Variants in HS3ST3B1 observed in about 807,000 individuals in gnomAD.
The protein encoded by HS3ST3B1 is heparan sulfate-glucosamine 3-sulfotransferase 3B1.
A neutral mutation model predicts 21.3 loss-of-function variants in HS3ST3B1; 13 were observed. That is an observed-to-expected ratio of 0.61 (90% CI 0.40 to 0.97). HS3ST3B1 has a LOEUF of 0.97. Among genes scored for constraint, HS3ST3B1 ranks in the 50% least tolerant of loss-of-function variants. The pLI, the probability that HS3ST3B1 is intolerant of heterozygous loss-of-function variation, is 0.00. For missense variants in HS3ST3B1, 459 were observed against 554.8 expected (o/e 0.83, Z 1.73); for synonymous variants, 234 against 254.8 (o/e 0.92, Z 0.78).
At chr17:14,324,880 C>A (rs1485842580) in intron 1 of HS3ST3B1, among the ~76,000 whole-genome samples, 1 of 152,158 alleles carries the variant, frequency 6.6e-6, no homozygotes, top group Non-Finnish European at 1.5e-5. Flanking sequence ...TTCCAAGGTG[C>A]CAGAATCATA....
intron 1 of HS3ST3B1, among the ~76,000 whole-genome samples, chr17:14,309,322 G>T (rs1909230255): frequency 6.6e-6 from 1 of 152,230 alleles, no homozygotes; most frequent in Admixed American, 6.5e-5. Flanking sequence ...TGGCAGCCGA[G>T]ACTGGGGCCG....
Position 14,301,132 on chromosome 17 carries a change from C to T in HS3ST3B1, c.-387C>T, listed in dbSNP as rs373908559. 4.9e-5 allele frequency: 10 copies of T among 203,618 alleles called. No individual in the cohort carries two copies. The East Asian group carries it at 1.0e-3, about 20-fold the overall frequency. The allele number at this position is 203,618 out of a possible 1,614,324, so 12.6% of individuals were successfully genotyped here. ...GGAAGTGCCGGGGCTGCTCGAGGCT[C>T]AGTTCTTAGGACTGCAAGGAGGCAG... On this transcript the variant is annotated 5_prime_UTR_variant, in exon 1 of 2. Transcript: ENST00000360954.
At position 14,349,297 on chromosome 17, in the gene HS3ST3B1, A is replaced by G. The variant is rs1910659857; in HGVS notation, c.*3651A>G. 1 of 152,244 alleles carries G rather than the reference A, an allele frequency of 6.6e-6. No homozygotes were observed. Among genetic ancestry groups the G allele is most frequent in the South Asian group, 2.1e-4 (1 of 4,834 alleles). The allele number at this position is 152,244 out of a possible 1,614,324, so 9.4% of individuals were successfully genotyped here. On this transcript the variant is annotated 3_prime_UTR_variant, in exon 2 of 2. Transcript: ENST00000360954. ...AAAATTAAATCAAGTATTTTGTCCTATGTATAACACAAATTAATTTTACAC... is the reference window on the plus strand; with the variant it reads ...AAAATTAAATCAAGTATTTTGTCCTGTGTATAACACAAATTAATTTTACAC...
intron 1 of HS3ST3B1, among the ~76,000 whole-genome samples, chr17:14,338,125 G>A (rs1311275632): frequency 6.6e-6 from 1 of 151,776 alleles, no homozygotes; most frequent in Non-Finnish European, 1.5e-5. Flanking sequence ...TGCCACAGAG[G>A]TGGCGTATAC....
chr17:14,316,344 G>C (rs996848719), intron 1 of HS3ST3B1, among the ~76,000 whole-genome samples: 2 of 152,228 alleles, frequency 1.3e-5, no homozygotes, highest in Non-Finnish European at 2.9e-5. Context: ...GGCCGAGGCC[G>C]GGGGAACAGA....
rs1416278141 is a variant in HS3ST3B1 at position 14,348,139 on chromosome 17, A to C, written c.*2493A>C. 1 of 152,192 alleles carries C rather than the reference A, an allele frequency of 6.6e-6. No homozygotes were observed. Among genetic ancestry groups the C allele is most frequent in the Non-Finnish European group, 1.5e-5 (1 of 68,042 alleles). The allele number at this position is 152,192 out of a possible 1,614,324, so 9.4% of individuals were successfully genotyped here. ...AGAGTTCAGAGAAGAGTATGCAACA[A>C]AGCCATAGGAAAACACACAGGAGCT... On this transcript the variant is annotated 3_prime_UTR_variant, in exon 2 of 2. Coordinates refer to ENST00000360954, the MANE Select transcript of HS3ST3B1 (RefSeq NM_006041.3).
chr17:14,342,656 T>C (rs956485075), intron 1 of HS3ST3B1, among the ~76,000 whole-genome samples: 1 of 152,176 alleles, frequency 6.6e-6, no homozygotes, highest in African/African-American at 2.4e-5. Flanking sequence ...TAAACTTCCA[T>C]GAATACGTAT....
intron 1 of HS3ST3B1, among the ~76,000 whole-genome samples, chr17:14,320,835 C>T (rs1909639515): frequency 6.6e-6 from 1 of 152,178 alleles, no homozygotes; most frequent in Admixed American, 6.5e-5. Flanking sequence ...CCGCTCAGTT[C>T]CAGCATTCAG....
At chr17:14,329,965 C>G (rs1909954737) in intron 1 of HS3ST3B1, among the ~76,000 whole-genome samples, 1 of 152,234 alleles carries the variant, frequency 6.6e-6, no homozygotes, top group Non-Finnish European at 1.5e-5. Flanking sequence ...CATCTACAAA[C>G]TACACTGGAT....
At position 14,330,162 on chromosome 17, in the gene HS3ST3B1, A is replaced by G. The variant is rs142061997; in HGVS notation, c.555-14866A>G. ...TACATTTGACATTGAGCATCATCTGATGACACCTCCTGGGGGTGGTCTGTA... is the reference window on the plus strand; with the variant it reads ...TACATTTGACATTGAGCATCATCTGGTGACACCTCCTGGGGGTGGTCTGTA... On this transcript the variant is annotated intron_variant, in intron 1 of 1. Coordinates refer to ENST00000360954, the MANE Select transcript of HS3ST3B1 (RefSeq NM_006041.3). 1.4e-3 allele frequency among the ~76,000 whole-genome samples: 218 copies of G among 152,290 alleles called. 1 individual carries two copies. Among genetic ancestry groups the G allele is most frequent in the African/African-American group, 5.1e-3 (214 of 41,564 alleles).
chr17:14,319,470 G>C (rs1018028816), intron 1 of HS3ST3B1, among the ~76,000 whole-genome samples: 1 of 152,138 alleles, frequency 6.6e-6, no homozygotes, highest in Non-Finnish European at 1.5e-5. Flanking sequence ...TGGTTTCTCT[G>C]TATCTGAATG....
At chr17:14,314,271 G>C (rs1477274571) in intron 1 of HS3ST3B1, among the ~76,000 whole-genome samples, 2 of 152,176 alleles carry the variant, frequency 1.3e-5, no homozygotes, top group Non-Finnish European at 2.9e-5. Flanking sequence ...GAGCCACCCT[G>C]CCTGGCCTGG....
intron 1 of HS3ST3B1, chr17:14,305,258 C>G (rs1047146811): frequency 5.3e-5 from 8 of 152,242 alleles, no homozygotes; most frequent in African/African-American, 1.4e-4. Context: ...TTATGCAGCC[C>G]TCTTGAAGCA....
At chr17:14,318,560 T>C (rs896878889) in intron 1 of HS3ST3B1, among the ~76,000 whole-genome samples, 2 of 152,204 alleles carry the variant, frequency 1.3e-5, no homozygotes, top group Non-Finnish European at 2.9e-5. Flanking sequence ...CATATAAAAG[T>C]AACTGCAGTT....
At chr17:14,344,964 C>T (rs745926604) in intron 1 of HS3ST3B1, 64 bp from the exon 2 acceptor site, 13 of 1,568,472 alleles carry the variant, frequency 8.3e-6, no homozygotes, top group Admixed American at 1.8e-5. Context: ...AAGTCGTGAC[C>T]TTAAGACGTG....
At chr17:14,338,853 G>A (rs1010946321) in intron 1 of HS3ST3B1, among the ~76,000 whole-genome samples, 3 of 152,164 alleles carry the variant, frequency 2.0e-5, no homozygotes, top group Non-Finnish European at 4.4e-5. Context: ...GAGGCCACTG[G>A]TGGTCCTGGA....
intron 1 of HS3ST3B1, among the ~76,000 whole-genome samples, chr17:14,324,825 G>T (rs1909757012): frequency 6.6e-6 from 1 of 152,128 alleles, no homozygotes; most frequent in Non-Finnish European, 1.5e-5. Context: ...TGTTATCCAG[G>T]TTGGTCTTAA....
At chr17:14,336,747 A>G (rs545773388) in intron 1 of HS3ST3B1, among the ~76,000 whole-genome samples, 5 of 152,196 alleles carry the variant, frequency 3.3e-5, no homozygotes, top group Non-Finnish European at 5.9e-5. Context: ...AAAAAGGAAA[A>G]CAGGAATTTA....
At chr17:14,322,363 G>C (rs1014556898) in intron 1 of HS3ST3B1, among the ~76,000 whole-genome samples, 1 of 152,060 alleles carries the variant, frequency 6.6e-6, no homozygotes, top group Non-Finnish European at 1.5e-5. Flanking sequence ...ACCCTTCATT[G>C]TTATTACATT....
Sources: gnomAD v4.1 joint callset for allele counts (sites outside exome capture counted in the v4.1 genomes callset) on GRCh38, gnomAD v4.1.1 for gene constraint, MANE v1.5 for transcripts, NCBI Gene and HGNC (gene_info 2026-07-23, HGNC 2026-07-21) for gene names.